The following DNAH3 variants were observed in gnomAD, a reference collection of about 807,000 sequenced individuals.
DNAH3 encodes the protein dynein axonemal heavy chain 3.
DNAH3 carries 332 observed loss-of-function variants against 432.5 expected under a neutral mutation model. The ratio of observed to expected loss-of-function variants is 0.77; its 90% CI spans 0.70 to 0.84. DNAH3 has a LOEUF of 0.84. DNAH3 is among the 40% of genes least tolerant of loss of function. The pLI, the probability that DNAH3 is intolerant of heterozygous loss-of-function variation, is 0.00. For missense variants in DNAH3, 4,861 were observed against 5,114.0 expected (o/e 0.95, Z 1.51); for synonymous variants, 1,956 against 1,900.2 (o/e 1.03, Z -0.76).
chr16:21,065,228 T>A (rs981300574), intron 24 of DNAH3, among the ~76,000 whole-genome samples: 1 of 152,040 alleles, frequency 6.6e-6, no homozygotes, highest in Non-Finnish European at 1.5e-5. Context: ...TGGCACCATC[T>A]CGGCTCACCA....
Position 21,127,690 on chromosome 16 carries a change from T to C in DNAH3, c.1205A>G (p.Asn402Ser), listed in dbSNP as rs140403937. The stretch of plus-strand genomic sequence containing the variant: ...CACTTGGAGGGCAGATACTGACTTG[T>C]TGAGAAGAGTCTGGTGTGCCTCCAG... The change falls in exon 8 of 62, where the codon AAC becomes AGC. Residue 402 changes from asparagine to serine, a missense_variant. Transcript: ENST00000261383. 2.1e-4 allele frequency: 338 copies of C among 1,614,042 alleles called. 1 individual carries two copies. The African/African-American group carries it at 4.1e-3, about 19-fold the overall frequency.
At chr16:20,984,675 G>A (rs2086100620) in intron 48 of DNAH3, among the ~76,000 whole-genome samples, 1 of 152,090 alleles carries the variant, frequency 6.6e-6, no homozygotes, top group African/African-American at 2.4e-5. Flanking sequence ...TATGAGACTA[G>A]CCTGGCCAAC....
chr16:21,139,081 G>C (rs529286846), intron 5 of DNAH3, among the ~76,000 whole-genome samples: 4 of 152,042 alleles, frequency 2.6e-5, no homozygotes, highest in African/African-American at 4.8e-5. Flanking sequence ...CAAGACATTT[G>C]CTCTAAAGTT....
intron 19 of DNAH3, among the ~76,000 whole-genome samples, chr16:21,086,518 TC>T (rs2091376509): frequency 6.6e-6 from 1 of 152,114 alleles, no homozygotes; most frequent in South Asian, 2.1e-4. Flanking sequence ...GTATTGAACA[TC>T]CCTGTTGCAC....
intron 1 of DNAH3, among the ~76,000 whole-genome samples, chr16:21,152,249 A>T (rs2152836949): frequency 6.6e-6 from 1 of 152,274 alleles, no homozygotes; most frequent in East Asian, 1.9e-4. Flanking sequence ...AAAGAAAAAC[A>T]AACAAAAAAA....
At chr16:21,075,999 G>C (rs1054136195) in intron 20 of DNAH3, among the ~76,000 whole-genome samples, 1 of 149,110 alleles carries the variant, frequency 6.7e-6, no homozygotes, top group African/African-American at 2.5e-5. Flanking sequence ...TTGACCAAAA[G>C]GTTTACTATC....
intron 23 of DNAH3, among the ~76,000 whole-genome samples, chr16:21,069,018 G>A (rs860812): frequency 0.22 from 33,210 of 151,836 alleles, 3,857 homozygotes; most frequent in East Asian, 0.46. Flanking sequence ...GCCGCCTCCT[G>A]AGTTCAAGCG....
chr16:21,042,303 AC>A, intron 31 of DNAH3, 100 bp from the exon 32 acceptor site: 1 of 1,241,552 alleles, frequency 8.1e-7, no homozygotes, highest in South Asian at 1.6e-5. Flanking sequence ...GAACCCAATC[AC>A]CCAAAAACCG....
At chr16:21,138,253 A>T (rs2092670183) in intron 5 of DNAH3, among the ~76,000 whole-genome samples, 2 of 151,948 alleles carry the variant, frequency 1.3e-5, no homozygotes, top group African/African-American at 4.8e-5. Flanking sequence ...GTCTCAAAAA[A>T]AAAAAAGAAA....
At chr16:20,963,885 C>G in exon 53 of DNAH3, 1 of 1,614,050 alleles carries the variant, frequency 6.2e-7, no homozygotes, top group Non-Finnish European at 8.5e-7. Flanking sequence ...TGCTGTGGGT[C>G]AAGGAATGCA....
intron 7 of DNAH3, 154 bp downstream of exon 8, chr16:21,134,095 GAAAGGTGTCA>G (rs994669056): frequency 1.5e-6 from 1 of 649,208 alleles, no homozygotes; most frequent in Non-Finnish European, 2.5e-6. Context: ...AGCCTGCAAG[GAAAGGTGTCA>G]CTTATAATTC....
In DNAH3 at chr16:20,951,738, A is replaced by ATTT. The variant is rs869256566; in HGVS notation, c.11188+692_11188+694dup. Among the ~76,000 whole-genome samples, 157 of 73,450 alleles carry ATTT rather than the reference A, an allele frequency of 2.1e-3. 2 individuals carry two copies. Among genetic ancestry groups the ATTT allele is most frequent in the Middle Eastern group, 0.011 (1 of 92 alleles). 48.2% of individuals were successfully genotyped at this position (73,450 alleles called of 152,430 possible). Reference sequence around the variant, plus strand: ...GCATGATCCACTGCGCCTGGCCCGTATTTTTTTTTTTTTTTTTTTTTTTTG... The same window carrying ATTT: ...GCATGATCCACTGCGCCTGGCCCGTATTTTTTTTTTTTTTTTTTTTTTTTTTTG... On this transcript the variant is annotated intron_variant, in intron 56 of 61. Coordinates refer to ENST00000261383, the Ensembl canonical transcript of DNAH3.
chr16:20,987,187 G>A lies in DNAH3; in HGVS notation c.7026+118C>T, dbSNP rs897581046. 5.5e-6 allele frequency: 7 copies of A among 1,263,178 alleles called. No individual in the cohort carries two copies. The African/African-American group carries it at 6.0e-5, about 11-fold the overall frequency. 78.2% of individuals were successfully genotyped at this position (1,263,178 alleles called of 1,614,324 possible). ...AGCAGTTGACTCAATACTGTTTCCC[G>A]AGATTCAGAGTGCAGAGCTGGCAGT... On this transcript the variant is annotated intron_variant, in intron 47 of 61. Coordinates refer to ENST00000261383, the Ensembl canonical transcript of DNAH3.
At chr16:21,063,654 C>T (rs986608887) in intron 24 of DNAH3, among the ~76,000 whole-genome samples, 1 of 151,908 alleles carries the variant, frequency 6.6e-6, no homozygotes, top group South Asian at 2.1e-4. Flanking sequence ...GCAATTCTCC[C>T]ACCTCAGCCT....
At position 20,980,953 on chromosome 16, in the gene DNAH3, G is replaced by A. The variant is rs191330096; in HGVS notation, c.7860-1407C>T. Among the ~76,000 whole-genome samples, 113 of 152,260 alleles carry A rather than the reference G, an allele frequency of 7.4e-4. 1 individual carries two copies. The highest frequency in any genetic ancestry group is 2.6e-3 in the African/African-American group (110 of 41,552). On this transcript the variant is annotated intron_variant, in intron 49 of 61. Coordinates refer to ENST00000261383, the Ensembl canonical transcript of DNAH3. ...GTGCAAAAACAGCCACAGATGGTGT[G>A]TAAACTAATGGGCATGCGTGCATTC...
At chr16:20,985,059 G>T (rs1248207415) in intron 48 of DNAH3, 1 of 1,603,370 alleles carries the variant, frequency 6.2e-7, no homozygotes, top group Non-Finnish European at 8.5e-7. Context: ...CGAGGACAAT[G>T]TGAAGGTTCT....
Position 20,943,229 on chromosome 16 carries a change from C to T in DNAH3, c.11511+1267G>A, listed in dbSNP as rs896871768. The stretch of plus-strand genomic sequence containing the variant: ...CTGAGTAGCTGGGATTACAGGTGCA[C>T]GCCACTGAGCTCAGCTATTTTTTTT... On this transcript the variant is annotated intron_variant, in intron 58 of 61. Transcript: ENST00000261383. Among the ~76,000 whole-genome samples the T allele has an allele frequency of 5.3e-5, 8 of 151,976 alleles. No individual in the cohort carries two copies. In the East Asian group the frequency reaches 5.8e-4, roughly 11 times the overall value.
intron 58 of DNAH3, among the ~76,000 whole-genome samples, chr16:20,942,024 C>T (rs1483800223): frequency 6.6e-6 from 1 of 151,250 alleles, no homozygotes; most frequent in Non-Finnish European, 1.5e-5. Context: ...GAGATCTGGC[C>T]GCTGCACTCC....
At chr16:20,933,691 C>G (rs1409869361) in intron 61 of DNAH3, among the ~76,000 whole-genome samples, 184 bp from the exon 62 acceptor site, 2 of 152,244 alleles carry the variant, frequency 1.3e-5, no homozygotes, top group Non-Finnish European at 2.9e-5. Context: ...CCAGGCCTGA[C>G]TCCTGGTCAG....
Sources: allele counts gnomAD v4.1 joint callset (sites outside exome capture counted in the v4.1 genomes callset), GRCh38; gene constraint gnomAD v4.1.1; transcripts MANE v1.5; gene names NCBI Gene and HGNC (gene_info 2026-07-23, HGNC 2026-07-21).